ALK: variants seen among roughly 807,000 people sequenced by gnomAD.
The protein encoded by ALK is ALK receptor tyrosine kinase, also known as ALK tyrosine kinase receptor.
A neutral mutation model predicts 163.1 loss-of-function variants in ALK; 74 were observed. The observed-to-expected ratio is 0.45, with a 90% confidence interval of 0.38 to 0.55. The LOEUF (loss-of-function observed/expected upper bound fraction) is 0.55, where lower values mean the gene tolerates loss of function less well. ALK is among the 20% of genes least tolerant of loss of function. The probability of loss-of-function intolerance (pLI) is 0.00; values close to 1 mark genes in which losing one functional copy is unlikely to be tolerated. For missense variants in ALK, 2,063 were observed against 2,105.3 expected, an observed-to-expected ratio of 0.98 and a Z score of 0.39; for synonymous variants, 960 against 843.2, an observed-to-expected ratio of 1.14 and a Z score of -2.40.
At position 29,320,824 on chromosome 2, in the gene ALK, T is replaced by A. The variant is rs1573227409; in HGVS notation, c.1473A>T (p.Gln491His). ...NFEDGFCGWT[Q>H]GTLSPHTPQW... ...GAGGAGTGTGGGGTGACAGTGTGCC[T>A]TGGGTCCAGCCACAGAAGCCATCTT... The change falls in exon 7 of 29, where the codon CAA becomes CAT. Residue 491 changes from glutamine (Q) to histidine (H), a missense_variant. Coordinates refer to ENST00000389048, the MANE Select transcript of ALK (RefSeq NM_004304.5). 2.5e-6 allele frequency: 4 copies of A among 1,614,142 alleles called. No individual in the cohort carries two copies. The East Asian group carries it at 8.9e-5, about 36-fold the overall frequency.
chr2:29,566,366 A>G (rs1674190216), intron 3 of ALK, among the ~76,000 whole-genome samples: 2 of 152,204 alleles, frequency 1.3e-5, no homozygotes, highest in Admixed American at 1.3e-4. Context: ...AGCAACATCA[A>G]TTTGCTGCAC....
chr2:29,193,859 TCTCTTC>T lies in ALK; in HGVS notation c.4222_4227del (p.Glu1408_Glu1409del), dbSNP rs1558604159. On this transcript the variant is annotated inframe_deletion, in exon 29 of 29. Transcript: ENST00000389048. Reference sequence around the variant, plus strand: ...GGGTCCTTGGGCCTCACAGGCACTTTCTCTTCCTCTTCCACAAGTGGACCATATTCT... The same window carrying T: ...GGGTCCTTGGGCCTCACAGGCACTTTCTCTTCCACAAGTGGACCATATTCT... 6.2e-7 allele frequency: 1 copy of T among 1,613,898 alleles called. No homozygotes were observed. Among genetic ancestry groups the T allele is most frequent in the Non-Finnish European group, 8.5e-7 (1 of 1,179,926 alleles).
At chr2:29,736,528 T>C (rs1040592466) in intron 1 of ALK, among the ~76,000 whole-genome samples, 13 of 152,024 alleles carry the variant, frequency 8.6e-5, no homozygotes, top group African/African-American at 3.1e-4. Context: ...AGGGAACAAG[T>C]TTAATAAAAA....
chr2:29,539,279 A>C (rs564994484), intron 3 of ALK, among the ~76,000 whole-genome samples: 1 of 152,320 alleles, frequency 6.6e-6, no homozygotes, highest in South Asian at 2.1e-4. Context: ...TATTTCCAGC[A>C]TCAGGATCAA....
intron 4 of ALK, among the ~76,000 whole-genome samples, chr2:29,479,525 C>T (rs1439865758): frequency 6.6e-6 from 1 of 152,230 alleles, no homozygotes; most frequent in African/African-American, 2.4e-5. Context: ...ATGAGAAATA[C>T]AGTGCATGAA....
Position 29,314,185 on chromosome 2 carries a change from G to A in ALK, c.1647+4119C>T, listed in dbSNP as rs186702352. Among the ~76,000 whole-genome samples, 271 of 152,172 alleles carry A rather than the reference G, an allele frequency of 1.8e-3. 4 individuals carry two copies. The highest frequency in any genetic ancestry group is 6.1e-3 in the African/African-American group (251 of 41,484). ...ATTTACAGAAAAATTCCCTGCCTTC[G>A]GGTGCCTTCCTTTGAGAAGGGCTTC... On this transcript the variant is annotated intron_variant, in intron 8 of 28. Transcript: ENST00000389048.
chr2:29,233,560 C>A lies in ALK; in HGVS notation c.2487+5G>T, dbSNP rs1664279592. ...CTGGTGGAAATCTGGCAGCACACAC[C>A]ATACCTTAAATACGTAGGTGGCTCC... On this transcript the variant is annotated splice_donor_5th_base_variant and intron_variant, in intron 14 of 28. Transcript: ENST00000389048. 2 of 1,614,054 alleles carry A rather than the reference C, an allele frequency of 1.2e-6. No individual in the cohort carries two copies. Among genetic ancestry groups the A allele is most frequent in the African/African-American group, 2.7e-5 (2 of 74,926 alleles).
chr2:29,752,310 T>C (rs971329389), intron 1 of ALK, among the ~76,000 whole-genome samples: 6 of 152,042 alleles, frequency 3.9e-5, no homozygotes, highest in Admixed American at 6.6e-5. Flanking sequence ...GTAGCTTACG[T>C]GTATTCAATG....
At chr2:29,643,482 G>A (rs1189022953) in intron 3 of ALK, among the ~76,000 whole-genome samples, 5 of 152,176 alleles carry the variant, frequency 3.3e-5, no homozygotes, top group African/African-American at 9.7e-5. Flanking sequence ...CTAAATAGAG[G>A]AGTGACAAAG....
chr2:29,473,656 T>C (rs544343521), intron 4 of ALK, among the ~76,000 whole-genome samples: 1 of 151,792 alleles, frequency 6.6e-6, no homozygotes, highest in Admixed American at 6.6e-5. Flanking sequence ...ATCAGGGAAA[T>C]GCAGGAGTTT....
intron 1 of ALK, among the ~76,000 whole-genome samples, chr2:29,880,408 A>T (rs763659609): frequency 6.6e-6 from 1 of 152,218 alleles, no homozygotes; most frequent in Non-Finnish European, 1.5e-5. Context: ...TGAGTTGCTG[A>T]GTAACCTCAG....
chr2:29,528,792 T>C (rs1553327662), intron 4 of ALK, among the ~76,000 whole-genome samples: 1 of 152,224 alleles, frequency 6.6e-6, no homozygotes, highest in Non-Finnish European at 1.5e-5. Context: ...GGGGACTTTA[T>C]GGCCACTAAT....
rs113935732 is a variant in ALK, at chr2:29,592,151, T to C, written c.953-60035A>G. On this transcript the variant is annotated intron_variant, in intron 3 of 28. Transcript: ENST00000389048. ...TGAGTCGCCAGCAGCTGATGGCTTC[T>C]GGGGTACTCAGCGGGTCCCAGAGCA... 5.1e-3 allele frequency among the ~76,000 whole-genome samples: 774 copies of C among 152,220 alleles called. 4 individuals are homozygous for C. The highest frequency in any genetic ancestry group is 0.018 in the African/African-American group (742 of 41,538).
At chr2:29,523,317 C>T (rs1286357298) in intron 4 of ALK, among the ~76,000 whole-genome samples, 1 of 152,186 alleles carries the variant, frequency 6.6e-6, no homozygotes, top group Non-Finnish European at 1.5e-5. Flanking sequence ...CAAGCATTCC[C>T]ATAGCACCCA....
chr2:29,677,891 C>G (rs1041936743), intron 3 of ALK, among the ~76,000 whole-genome samples: 15 of 152,148 alleles, frequency 9.9e-5, no homozygotes, highest in South Asian at 2.1e-4. Context: ...TGGTAGAATT[C>G]CCCAATGAAG....
rs75566408 is a variant in ALK, at chr2:29,584,382, T to G, written c.953-52266A>C. 2.1e-3 allele frequency among the ~76,000 whole-genome samples: 326 copies of G among 152,336 alleles called. 1 individual carries two copies. Among genetic ancestry groups the G allele is most frequent in the African/African-American group, 7.6e-3 (315 of 41,572 alleles). ...GTTCATCTGGATCTTAACAGGAATT[T>G]TGCAGTGAAATTAGTCAAATAAATT... On this transcript the variant is annotated intron_variant, in intron 3 of 28. Coordinates refer to ENST00000389048, the MANE Select transcript of ALK (RefSeq NM_004304.5).
intron 4 of ALK, among the ~76,000 whole-genome samples, chr2:29,452,323 G>GTTTT (rs1221437780): frequency 3.8e-5 from 3 of 79,492 alleles, no homozygotes; most frequent in African/African-American, 2.0e-4. Flanking sequence ...TCTCACTCAA[G>GTTTT]TTTTTTTTGT....
chr2:29,531,217 C>G (rs1024537350), intron 4 of ALK, among the ~76,000 whole-genome samples: 6 of 152,200 alleles, frequency 3.9e-5, no homozygotes, highest in African/African-American at 1.2e-4. Context: ...TCTGGGGTCC[C>G]TCAACGCTGA....
chr2:29,710,522 G>GTA (rs1444797328), intron 2 of ALK, among the ~76,000 whole-genome samples: 1 of 151,192 alleles, frequency 6.6e-6, no homozygotes, highest in African/African-American at 2.4e-5. Flanking sequence ...GTGTGTGTGT[G>GTA]TGTGTGTGTG....
Sources: gnomAD v4.1 joint callset for allele counts (sites outside exome capture counted in the v4.1 genomes callset) on GRCh38, gnomAD v4.1.1 for gene constraint, MANE v1.5 for transcripts, NCBI Gene and HGNC (gene_info 2026-07-23, HGNC 2026-07-21) for gene names.